The following SLC26A11 variants were observed in gnomAD, a reference collection of about 807,000 sequenced individuals.
The protein encoded by SLC26A11 is sodium-independent sulfate anion transporter.
A neutral mutation model predicts 62.2 loss-of-function variants in SLC26A11; 58 were observed. That is an observed-to-expected ratio of 0.93 (90% CI 0.76 to 1.16). The LOEUF is 1.16. SLC26A11 is among the 50% of genes most tolerant of loss of function. The pLI, the probability that SLC26A11 is intolerant of heterozygous loss-of-function variation, is 0.00. For synonymous variants in SLC26A11, 411 were observed against 368.9 expected, an observed-to-expected ratio of 1.11 and a Z score of -1.31; for missense variants, 790 against 794.3, an observed-to-expected ratio of 0.99 and a Z score of 0.06.
At chr17:80,243,804 G>T (rs2042924571) in intron 10 of SLC26A11, among the ~76,000 whole-genome samples, 1 of 152,242 alleles carries the variant, frequency 6.6e-6, no homozygotes, top group African/African-American at 2.4e-5. Context: ...GCAGCCATGG[G>T]ATTCCTTGAT....
chr17:80,237,437 G>C, intron 8 of SLC26A11, 85 bp from the exon 9 acceptor site: 2 of 1,268,476 alleles, frequency 1.6e-6, no homozygotes, highest in Non-Finnish European at 1.1e-6. Flanking sequence ...CCTGTGGGGC[G>C]GGGTGGGTCC....
chr17:80,238,174 G>T (rs189436867), intron 9 of SLC26A11, among the ~76,000 whole-genome samples: 2 of 152,152 alleles, frequency 1.3e-5, no homozygotes, highest in African/African-American at 4.8e-5. Flanking sequence ...CCTAGGCAAC[G>T]TAACGAGACC....
intron 7 of SLC26A11, among the ~76,000 whole-genome samples, chr17:80,236,605 CCTT>C (rs1353153294): frequency 6.6e-6 from 1 of 152,174 alleles, no homozygotes; most frequent in East Asian, 1.9e-4. Context: ...GTTTCTTCCT[CCTT>C]TGTGCTTTGA....
At position 80,223,101 on chromosome 17, in the gene SLC26A11, C is replaced by A; in HGVS notation, c.428-151C>A. The A allele has an allele frequency of 1.3e-6, 1 of 789,218 alleles. No homozygotes were observed. The highest frequency in any genetic ancestry group is 2.1e-6 in the Non-Finnish European group (1 of 476,070). The allele number at this position is 789,218 out of a possible 1,614,324, so 48.9% of individuals were successfully genotyped here. On this transcript the variant is annotated intron_variant, in intron 4 of 17. Coordinates refer to ENST00000361193, the MANE Select transcript of SLC26A11 (RefSeq NM_001166347.2). The surrounding 1 kb of genome is among the most constrained non-coding windows in gnomAD (Gnocchi z 4.6). Reference sequence around the variant, plus strand: ...GTCTCCCTTTTCTGCTCTCCAAAAACAGCCAAACAGGGTGTGTTACCCCCA... The same window carrying A: ...GTCTCCCTTTTCTGCTCTCCAAAAAAAGCCAAACAGGGTGTGTTACCCCCA...
Position 80,223,157 on chromosome 17 carries a change from C to A in SLC26A11, c.428-95C>A. The A allele has an allele frequency of 8.6e-7, 1 of 1,164,638 alleles. No homozygotes were observed. Among genetic ancestry groups the A allele is most frequent in the Non-Finnish European group, 1.3e-6 (1 of 786,420 alleles). 72.1% of individuals were successfully genotyped at this position (1,164,638 alleles called of 1,614,324 possible). A position where few individuals can be genotyped will look rare whatever the true frequency, so the allele number is the denominator to read the frequency against. On this transcript the variant is annotated intron_variant, in intron 4 of 17. Coordinates refer to ENST00000361193, the MANE Select transcript of SLC26A11 (RefSeq NM_001166347.2). This position sits in a 1 kb window ranked among gnomAD's most constrained non-coding sequence, Gnocchi z 4.6. ...TAGCTGCGGTATCTGCTCCCCAATC[C>A]CACCCATTGCCACCTTCCCCAGCTC... is the stretch of plus-strand genomic sequence containing the variant.
intron 7 of SLC26A11, among the ~76,000 whole-genome samples, chr17:80,236,278 C>T (rs954231511): frequency 6.6e-6 from 1 of 152,264 alleles, no homozygotes; most frequent in Non-Finnish European, 1.5e-5. Context: ...CTCTGCAGAT[C>T]TCTGCAGCTC....
chr17:80,224,272 A>AGAGT (rs2042315967), intron 5 of SLC26A11, among the ~76,000 whole-genome samples: 2 of 110,060 alleles, frequency 1.8e-5, no homozygotes, highest in East Asian at 2.8e-4. Flanking sequence ...TGCGTGTGTG[A>AGAGT]GTGAGTGCGT....
rs1400270628 is a variant in SLC26A11 at position 80,223,025 on chromosome 17, T to C, written c.427+178T>C. On this transcript the variant is annotated intron_variant, in intron 4 of 17. Coordinates refer to ENST00000361193, the MANE Select transcript of SLC26A11 (RefSeq NM_001166347.2). The surrounding 1 kb of genome is among the most constrained non-coding windows in gnomAD (Gnocchi z 4.6). ...GCACTTGGCTCTTAGTCTACTCTTT[T>C]CTGCTTAGAGGCCAGGACACTTGGA... Among the ~76,000 whole-genome samples the C allele has an allele frequency of 1.3e-5, 2 of 152,070 alleles. No homozygotes were observed. Among genetic ancestry groups the C allele is most frequent in the East Asian group, 1.9e-4 (1 of 5,192 alleles).
At chr17:80,226,423 G>A (rs1248318803) in intron 6 of SLC26A11, among the ~76,000 whole-genome samples, 2 of 152,072 alleles carry the variant, frequency 1.3e-5, no homozygotes, top group African/African-American at 2.4e-5. Context: ...TCTGATGGCC[G>A]GACACTGTGG....
chr17:80,246,237 C>A lies in SLC26A11; in HGVS notation c.1153+28C>A. 2.5e-6 allele frequency: 4 copies of A among 1,600,948 alleles called. No homozygotes were observed. Among genetic ancestry groups the A allele is most frequent in the South Asian group, 1.1e-5 (1 of 89,514 alleles). Reference sequence around the variant, plus strand: ...AAGGCCCCCCATCTTCCCCTTGTGCCCGCAGCCCTGAGAGTGGGAGAAAGG... The same window carrying A: ...AAGGCCCCCCATCTTCCCCTTGTGCACGCAGCCCTGAGAGTGGGAGAAAGG... On this transcript the variant is annotated intron_variant, in intron 12 of 17. Transcript: ENST00000361193. This position sits in a 1 kb window ranked among gnomAD's most constrained non-coding sequence, Gnocchi z 4.4.
rs1322747131 is a variant in SLC26A11, at chr17:80,222,362, C to T, written c.235-293C>T. The T allele has an allele frequency of 5.8e-5, 17 of 294,468 alleles. No individual in the cohort carries two copies. The highest frequency in any genetic ancestry group is 9.9e-5 in the African/African-American group (4 of 40,246). The allele number at this position is 294,468 out of a possible 1,614,324, so 18.2% of individuals were successfully genotyped here. A position where few individuals can be genotyped will look rare whatever the true frequency, so the allele number is the denominator to read the frequency against. ...CTGCCCTCCAGCCTGGGCGACAGAG[C>T]GAGACTCCATCTCAAAAAAAAAAAA... On this transcript the variant is annotated intron_variant, in intron 3 of 17. Transcript: ENST00000361193. The surrounding 1 kb of genome is among the most constrained non-coding windows in gnomAD (Gnocchi z 4.7).
chr17:80,240,277 G>A (rs548058271), intron 9 of SLC26A11, among the ~76,000 whole-genome samples: 63 of 152,258 alleles, frequency 4.1e-4, no homozygotes, highest in African/African-American at 7.5e-4. Flanking sequence ...TGAGGCAGGA[G>A]AATGGCGTGA....
chr17:80,226,346 A>T lies in SLC26A11; in HGVS notation c.593+430A>T, dbSNP rs547249380. On this transcript the variant is annotated intron_variant, in intron 6 of 17. Coordinates refer to ENST00000361193, the MANE Select transcript of SLC26A11 (RefSeq NM_001166347.2). ...CAGACAGAACGCAGGTGGTGCAGGG[A>T]CGGCAGGTGGAGCTGTGATGAGAGA... is the stretch of plus-strand genomic sequence containing the variant. Among the ~76,000 whole-genome samples, 549 of 152,152 alleles carry T rather than the reference A, an allele frequency of 3.6e-3. 4 individuals are homozygous for T. The highest frequency in any genetic ancestry group is 0.012 in the African/African-American group (515 of 41,506).
At chr17:80,239,467 G>A (rs1442814859) in intron 9 of SLC26A11, among the ~76,000 whole-genome samples, 1 of 149,778 alleles carries the variant, frequency 6.7e-6, no homozygotes, top group Non-Finnish European at 1.5e-5. Flanking sequence ...TCGGCTCACT[G>A]CAAGCTCCGC....
chr17:80,248,201 G>C lies in SLC26A11; in HGVS notation c.1366G>C (p.Gly456Arg). 6.2e-7 allele frequency: 1 copy of C among 1,609,284 alleles called. No homozygotes were observed. Among genetic ancestry groups the C allele is most frequent in the East Asian group, 2.2e-5 (1 of 44,846 alleles). The change falls in exon 14 of 18, where the codon GGG becomes CGG. Residue 456 changes from glycine to arginine, a missense_variant. By Grantham distance (125) the Gly-to-Arg change is moderately radical. Transcript: ENST00000361193. ...FWEVQYGILA[G>R]ALVSLLMLLH... is the part of the protein sequence containing the mutation. ...GGAGGTGCAGTACGGCATCCTGGCC[G>C]GGGCCCTGGTGTCTCTGCTCATGCT...
chr17:80,238,823 T>G (rs2042774852), intron 9 of SLC26A11, among the ~76,000 whole-genome samples: 2 of 135,316 alleles, frequency 1.5e-5, no homozygotes, highest in East Asian at 2.0e-4. Context: ...TTTTTTTGTT[T>G]TTTGTTTTTT....
chr17:80,237,740 G>A (rs759038910), intron 9 of SLC26A11, 146 bp downstream of exon 9: 54 of 746,482 alleles, frequency 7.2e-5, no homozygotes, highest in Non-Finnish European at 1.1e-4. Flanking sequence ...AGATACATAT[G>A]TATTGTGTAT....
intron 9 of SLC26A11, among the ~76,000 whole-genome samples, chr17:80,241,494 A>C (rs113751271): frequency 0.013 from 2,033 of 152,260 alleles, 39 homozygotes; most frequent in African/African-American, 0.046. Flanking sequence ...TCCTGGGCTC[A>C]AGCGATCCTC....
At position 80,222,612 on chromosome 17, in the gene SLC26A11, G is replaced by A. The variant is rs369497089; in HGVS notation, c.235-43G>A. The A allele has an allele frequency of 4.4e-6, 7 of 1,583,230 alleles. No homozygotes were observed. In the African/African-American group the frequency reaches 8.1e-5, roughly 18 times the overall value. ...CACGCACACTAGGGAGCTGGTGGATGGGCCTCGGCCTCCTGAGTGCTCACC... is the reference window on the plus strand; with the variant it reads ...CACGCACACTAGGGAGCTGGTGGATAGGCCTCGGCCTCCTGAGTGCTCACC... On this transcript the variant is annotated intron_variant, in intron 3 of 17. Coordinates refer to ENST00000361193, the MANE Select transcript of SLC26A11 (RefSeq NM_001166347.2). This position sits in a 1 kb window ranked among gnomAD's most constrained non-coding sequence, Gnocchi z 4.7.
Sources: gnomAD v4.1 joint callset for allele counts (sites outside exome capture counted in the v4.1 genomes callset) on GRCh38, gnomAD v4.1.1 for gene constraint, Gnocchi (gnomAD v3.1) non-coding constraint, MANE v1.5 for transcripts, NCBI Gene and HGNC (gene_info 2026-07-23, HGNC 2026-07-21) for gene names.